The following PSPC1 variants were observed in gnomAD, a reference collection of about 807,000 sequenced individuals.
PSPC1 encodes paraspeckle protein 1.
PSPC1 carries 14 observed loss-of-function variants against 51.6 expected under a neutral mutation model. That is an observed-to-expected ratio of 0.27 (90% CI 0.18 to 0.42). The LOEUF (loss-of-function observed/expected upper bound fraction) is 0.42, where lower values mean the gene tolerates loss of function less well. Among genes scored for constraint, PSPC1 ranks in the 10% least tolerant of loss-of-function variants. The pLI is 1.00. For synonymous variants in PSPC1, 193 were observed against 231.9 expected, an observed-to-expected ratio of 0.83 and a Z score of 1.53; for missense variants, 406 against 701.1, an observed-to-expected ratio of 0.58 and a Z score of 4.75.
intron 6 of PSPC1, among the ~76,000 whole-genome samples, chr13:19,696,065 G>A (rs1316298491): frequency 6.6e-6 from 1 of 152,080 alleles, no homozygotes; most frequent in Non-Finnish European, 1.5e-5. Flanking sequence ...GGAGGGGTGT[G>A]GTTGGTGCAA....
intron 7 of PSPC1, chr13:19,677,709 C>A: frequency 2.3e-6 from 1 of 432,764 alleles, no homozygotes; most frequent in Non-Finnish European, 4.6e-6. Flanking sequence ...AAATAATGAG[C>A]AGATACGGAC....
At chr13:19,718,891 G>A (rs574215453) in intron 6 of PSPC1, among the ~76,000 whole-genome samples, 138 of 152,390 alleles carry the variant, frequency 9.1e-4, no homozygotes, top group South Asian at 3.7e-3. Context: ...TATACTGTAT[G>A]ATTCCAACTA....
chr13:19,706,823 A>G (rs1880737869), intron 7 of PSPC1, among the ~76,000 whole-genome samples: 1 of 152,176 alleles, frequency 6.6e-6, no homozygotes, highest in Admixed American at 6.5e-5. Context: ...ATACATTATA[A>G]TGCAGCTGAA....
chr13:19,754,033 C>T (rs1886827677), intron 3 of PSPC1, among the ~76,000 whole-genome samples: 2 of 151,118 alleles, frequency 1.3e-5, no homozygotes, highest in African/African-American at 2.4e-5. Flanking sequence ...TTTGAAGGTG[C>T]AAGTGAATTT....
chr13:19,753,763 G>A (rs529211657), intron 3 of PSPC1, among the ~76,000 whole-genome samples: 20 of 152,150 alleles, frequency 1.3e-4, no homozygotes, highest in African/African-American at 4.8e-4. Flanking sequence ...AACAAGAGAG[G>A]GAAAGATATT....
chr13:19,761,332 G>C (rs1240675808), intron 2 of PSPC1, among the ~76,000 whole-genome samples: 1 of 152,088 alleles, frequency 6.6e-6, no homozygotes. Context: ...AGAGTTCATG[G>C]AGGGGAAGAG....
intron 6 of PSPC1, among the ~76,000 whole-genome samples, chr13:19,691,327 C>A (rs756464498): frequency 1.3e-5 from 2 of 152,070 alleles, no homozygotes; most frequent in Non-Finnish European, 2.9e-5. Context: ...TTGAGACCAG[C>A]CTGGGAGCCT....
chr13:19,696,897 G>C (rs1879328221), intron 6 of PSPC1, among the ~76,000 whole-genome samples: 1 of 152,052 alleles, frequency 6.6e-6, no homozygotes, highest in Non-Finnish European at 1.5e-5. Flanking sequence ...GAATTAACTA[G>C]GTTTTAAAAT....
Position 19,736,607 on chromosome 13 carries a change from T to C in PSPC1, c.1052+4958A>G, listed in dbSNP as rs188856587. Among the ~76,000 whole-genome samples, 1,429 of 152,064 alleles carry C rather than the reference T, an allele frequency of 9.4e-3. 27 individuals are homozygous for C. The highest frequency in any genetic ancestry group is 0.031 in the African/African-American group (1,269 of 41,490). ...CTGAGGCAGGAGAATGGCATGAACC[T>C]GGGAGGCAGAGCTTGCAGTGAGCCG... On this transcript the variant is annotated intron_variant, in intron 5 of 8. Transcript: ENST00000338910.
chr13:19,675,227 T>A (rs571400690), intron 7 of PSPC1: 19 of 152,408 alleles, frequency 1.2e-4, no homozygotes, highest in African/African-American at 4.3e-4. Context: ...ATTTTGAGAG[T>A]TGACCCAAAA....
chr13:19,712,809 C>G (rs560278983), intron 6 of PSPC1, among the ~76,000 whole-genome samples: 1 of 152,086 alleles, frequency 6.6e-6, no homozygotes, highest in South Asian at 2.1e-4. Context: ...TTACTGAATA[C>G]TATTTTACAC....
At chr13:19,758,744 A>G (rs1887329818) in intron 3 of PSPC1, among the ~76,000 whole-genome samples, 1 of 151,800 alleles carries the variant, frequency 6.6e-6, no homozygotes, top group African/African-American at 2.4e-5. Context: ...CTGAGGAAGG[A>G]GAATTGCTTG....
At chr13:19,724,765 C>T (rs984152143) in intron 6 of PSPC1, among the ~76,000 whole-genome samples, 8 of 152,128 alleles carry the variant, frequency 5.3e-5, no homozygotes, top group Middle Eastern at 3.4e-3. Flanking sequence ...TTTGGGAGGC[C>T]GAGCGGGCGG....
intron 6 of PSPC1, among the ~76,000 whole-genome samples, chr13:19,721,865 A>G (rs1294020431): frequency 1.3e-5 from 2 of 152,232 alleles, no homozygotes; most frequent in Non-Finnish European, 2.9e-5. Context: ...TTCATTACTT[A>G]ATCACGTATG....
chr13:19,734,397 G>A (rs1021276617), intron 5 of PSPC1, among the ~76,000 whole-genome samples: 6 of 152,222 alleles, frequency 3.9e-5, no homozygotes, highest in South Asian at 2.1e-4. Flanking sequence ...TCTGAAAGAC[G>A]CCTACTGGAT....
chr13:19,709,702 A>T, intron 6 of PSPC1, 103 bp from the exon 7 acceptor site: 3 of 1,104,532 alleles, frequency 2.7e-6, no homozygotes, highest in Non-Finnish European at 3.9e-6. Context: ...ATCATTTTTC[A>T]TTAAAAATTT....
At chr13:19,766,636 T>C (rs956930237) in intron 2 of PSPC1, among the ~76,000 whole-genome samples, 4 of 151,848 alleles carry the variant, frequency 2.6e-5, no homozygotes, top group African/African-American at 9.7e-5. Context: ...TAGTGACCTA[T>C]GATCGCATTC....
chr13:19,701,820 C>T (rs943038824), downstream of PSPC1, among the ~76,000 whole-genome samples: 1 of 152,184 alleles, frequency 6.6e-6, no homozygotes, highest in African/African-American at 2.4e-5. Context: ...TTATGAGAAA[C>T]AGCTATGCTA....
At chr13:19,674,201 T>C (rs1876358765), downstream of PSPC1, among the ~76,000 whole-genome samples, 1 of 152,210 alleles carries the variant, frequency 6.6e-6, no homozygotes, top group South Asian at 2.1e-4. Flanking sequence ...CACTCAAATC[T>C]AGTTGACTGT....
Sources: gnomAD v4.1 joint callset for allele counts (sites outside exome capture counted in the v4.1 genomes callset) on GRCh38, gnomAD v4.1.1 for gene constraint, MANE v1.5 for transcripts, NCBI Gene and HGNC (gene_info 2026-07-23, HGNC 2026-07-21) for gene names.